MCOLN2: variants seen among roughly 807,000 people sequenced by gnomAD.
MCOLN2 encodes mucolipin-2.
Under a neutral mutation model 67.5 loss-of-function variants are expected in MCOLN2, and 57 were observed. The observed-to-expected ratio is 0.84, with a 90% confidence interval of 0.68 to 1.05. The LOEUF (loss-of-function observed/expected upper bound fraction) is 1.05. Among genes scored for constraint, MCOLN2 ranks in the 50% least tolerant of loss-of-function variants. MCOLN2 has a pLI of 0.00. For synonymous variants in MCOLN2, 246 were observed against 233.3 expected, an observed-to-expected ratio of 1.05 and a Z score of -0.50; for missense variants, 620 against 678.8, an observed-to-expected ratio of 0.91 and a Z score of 0.96.
chr1:84,965,632 G>A lies in MCOLN2; in HGVS notation c.154C>T (p.Pro52Ser). The A allele has an allele frequency of 6.2e-7, 1 of 1,613,946 alleles. No homozygotes were observed. Among genetic ancestry groups the A allele is most frequent in the Non-Finnish European group, 8.5e-7 (1 of 1,179,942 alleles). Reference sequence around the variant, plus strand: ...CGTCTGGCTCGGTATTTTTCACAAGGGCTCATGAAGTAAAACTTCAGGTCT... The same window carrying A: ...CGTCTGGCTCGGTATTTTTCACAAGAGCTCATGAAGTAAAACTTCAGGTCT... Reference protein sequence around the residue: ...REDLKFYFMSPCEKYRARRQI... With the variant: ...REDLKFYFMSSCEKYRARRQI... The change falls in exon 2 of 14, where the codon CCT (proline) becomes TCT (serine). Residue 52 changes from proline (P) to serine (S), a missense_variant. Coordinates refer to ENST00000370608, the MANE Select transcript of MCOLN2 (RefSeq NM_153259.4).
At chr1:84,953,100 A>G (rs1050012304) in intron 4 of MCOLN2, among the ~76,000 whole-genome samples, 1 of 152,224 alleles carries the variant, frequency 6.6e-6, no homozygotes, top group Admixed American at 6.5e-5. Context: ...TGTATCAATG[A>G]TAACTCATTA....
intron 6 of MCOLN2, among the ~76,000 whole-genome samples, 183 bp downstream of exon 6, chr1:84,952,060 C>T (rs1557642921): frequency 6.6e-6 from 1 of 151,958 alleles, no homozygotes; most frequent in Admixed American, 6.6e-5. Flanking sequence ...GCACTCCAGC[C>T]TGGGTGACAG....
chr1:84,944,095 GT>G lies in MCOLN2; in HGVS notation c.847+2937del, dbSNP rs1341331255. 2.6e-5 allele frequency among the ~76,000 whole-genome samples: 4 copies of G among 152,146 alleles called. No individual in the cohort carries two copies. The East Asian group carries it at 7.7e-4, about 29-fold the overall frequency. On this transcript the variant is annotated intron_variant, in intron 7 of 13. Coordinates refer to ENST00000370608, the MANE Select transcript of MCOLN2 (RefSeq NM_153259.4). ...AACTAGAACACAAATCTCTAAGACA[GT>G]TTGCATTGGACCTTGTTTACAGATG...
Position 84,929,583 on chromosome 1 carries a change from G to A in MCOLN2, c.1639C>T (p.Leu547=), listed in dbSNP as rs747726480. ...EEYQKESSAF[L]SCICCRRRKR... The stretch of plus-strand genomic sequence containing the variant: ...CTCCTCCGACAGCAGATGCAGGACA[G>A]GAAGGCTGAGGACTCTTTCTGATAC... The change falls in exon 13 of 14, where the codon CTG becomes TTG. Residue 547 remains leucine, a synonymous_variant. Transcript: ENST00000370608. 13 of 1,613,704 alleles carry A rather than the reference G, an allele frequency of 8.1e-6. No individual in the cohort carries two copies. The East Asian group carries it at 2.5e-4, about 30-fold the overall frequency.
intron 11 of MCOLN2, chr1:84,937,317 G>A (rs1164061862): frequency 1.3e-5 from 2 of 153,210 alleles, no homozygotes; most frequent in East Asian, 1.9e-4. Context: ...CATTTCTATC[G>A]TAAACCTACT....
intron 1 of MCOLN2, among the ~76,000 whole-genome samples, chr1:84,991,286 G>A (rs1009534943): frequency 6.6e-6 from 1 of 152,136 alleles, no homozygotes; most frequent in Non-Finnish European, 1.5e-5. Context: ...AGTAATGACT[G>A]TGTTGGCCCC....
At position 84,929,661 on chromosome 1, in the gene MCOLN2, A is replaced by G. The variant is rs1263268572; in HGVS notation, c.1561T>C (p.Phe521Leu). 2 of 1,613,308 alleles carry G rather than the reference A, an allele frequency of 1.2e-6. No individual in the cohort carries two copies. The highest frequency in any genetic ancestry group is 2.7e-5 in the African/African-American group (2 of 74,902). ...DTIKKFQQNG[F>L]PETDLQEFLK... ...AATTCCTGCAAATCCGTTTCAGGAA[A>G]CCCATTCTGTTGGAATTTCTTTAGA... Residue 521 changes from phenylalanine (F) to leucine (L), a missense_variant, in exon 13 of 14, where the codon TTT (phenylalanine) becomes CTT (leucine). By Grantham distance (22) the Phe-to-Leu change is conservative. Transcript: ENST00000370608.
In MCOLN2 at chr1:84,952,277, C is replaced by T. The variant is rs774176390; in HGVS notation, c.713G>A (p.Arg238His). The T allele has an allele frequency of 2.4e-5, 38 of 1,613,224 alleles. No homozygotes were observed. Among genetic ancestry groups the T allele is most frequent in the Middle Eastern group, 3.3e-4 (2 of 6,070 alleles). ...AAAGACATAACAGTCTGGTAACTCA[C>T]GGGAATGAATTGTCTGTAGGTCAAT... Reference protein sequence around the residue: ...KGIDLQTIHSRELPDCYVFQN... With the variant: ...KGIDLQTIHSHELPDCYVFQN... The change falls in exon 6 of 14, where the codon CGT becomes CAT. Residue 238 changes from arginine (R) to histidine (H), a missense_variant. By Grantham distance (29) the Arg-to-His change is conservative (BLOSUM62 0). Coordinates refer to ENST00000370608, the MANE Select transcript of MCOLN2 (RefSeq NM_153259.4).
intron 11 of MCOLN2, 31 bp from the exon 12 acceptor site, chr1:84,931,599 A>C: frequency 6.4e-7 from 1 of 1,568,970 alleles, no homozygotes. Context: ...TAGTTTCTGA[A>C]ATAGAGTATT....
At chr1:84,981,004 G>A (rs11161497) in intron 1 of MCOLN2, among the ~76,000 whole-genome samples, 58,462 of 152,050 alleles carry the variant, frequency 0.38, 13,981 homozygotes, top group Non-Finnish European at 0.5. Context: ...GAATAGACTC[G>A]TTATGTCTCA....
In MCOLN2 at chr1:84,937,847, G is replaced by C; in HGVS notation, c.1243C>G (p.Pro415Ala). 1 of 1,614,132 alleles carries C rather than the reference G, an allele frequency of 6.2e-7. No homozygotes were observed. Among genetic ancestry groups the C allele is most frequent in the Non-Finnish European group, 8.5e-7 (1 of 1,180,022 alleles). ...CAAGCACAAAACCGAAGAACTTTTG[G>C]CAGTGAGGCCTGCATTGTTAAAATC... ...VLILTMQASL[P>A]KVLRFCACAG... Residue 415 changes from proline (P) to alanine (A), a missense_variant, in exon 11 of 14, where the codon CCA (proline) becomes GCA (alanine). By Grantham distance (27) the Pro-to-Ala change is conservative. Coordinates refer to ENST00000370608, the MANE Select transcript of MCOLN2 (RefSeq NM_153259.4).
chr1:84,930,303 C>G (rs1661348133), intron 12 of MCOLN2, among the ~76,000 whole-genome samples: 1 of 151,744 alleles, frequency 6.6e-6, no homozygotes. Context: ...TTAATGCTAA[C>G]AGCAAGACTA....
At chr1:84,928,029 G>A (rs924978165) in intron 13 of MCOLN2, among the ~76,000 whole-genome samples, 2 of 152,106 alleles carry the variant, frequency 1.3e-5, no homozygotes, top group African/African-American at 4.8e-5. Context: ...TCACAGCCTA[G>A]GCCCTTCATT....
At chr1:84,971,513 C>CAA (rs1179087232) in intron 1 of MCOLN2, among the ~76,000 whole-genome samples, 1 of 145,902 alleles carries the variant, frequency 6.9e-6, no homozygotes, top group Non-Finnish European at 1.5e-5. Context: ...CACACACACA[C>CAA]ACACACACAC....
chr1:84,981,940 C>G (rs1477354385), intron 1 of MCOLN2, among the ~76,000 whole-genome samples: 1 of 140,370 alleles, frequency 7.1e-6, no homozygotes, highest in African/African-American at 2.5e-5. Context: ...ATTACATCTA[C>G]AATGTACCCA....
At position 84,935,381 on chromosome 1, in the gene MCOLN2, C is replaced by T. The variant is rs543399233; in HGVS notation, c.1335+2374G>A. 3.9e-5 allele frequency among the ~76,000 whole-genome samples: 6 copies of T among 152,294 alleles called. No homozygotes were observed. In the South Asian group the frequency reaches 6.2e-4, roughly 16 times the overall value. Reference sequence around the variant, plus strand: ...ACCCTACAGACATCCCTTATCCCTCCCCTCCTCCAGGGGTATAAAGGAAAG... The same window carrying T: ...ACCCTACAGACATCCCTTATCCCTCTCCTCCTCCAGGGGTATAAAGGAAAG... On this transcript the variant is annotated intron_variant, in intron 11 of 13. Transcript: ENST00000370608.
intron 12 of MCOLN2, 149 bp from the exon 13 acceptor site, chr1:84,929,828 T>A: frequency 1.5e-6 from 1 of 645,916 alleles, no homozygotes; most frequent in South Asian, 2.5e-5. Flanking sequence ...GATGAATCAA[T>A]CTGTCAGTCC....
At chr1:84,979,231 T>C (rs764130428) in intron 1 of MCOLN2, among the ~76,000 whole-genome samples, 4 of 152,158 alleles carry the variant, frequency 2.6e-5, no homozygotes, top group Non-Finnish European at 5.9e-5. Context: ...AGCTTCACTG[T>C]TGAATTCTAC....
chr1:84,977,176 A>G (rs986332327), intron 1 of MCOLN2, among the ~76,000 whole-genome samples: 5 of 152,094 alleles, frequency 3.3e-5, no homozygotes, highest in Non-Finnish European at 5.9e-5. Flanking sequence ...GGTTGTTATC[A>G]GCTCAAAATA....
Sources: allele counts gnomAD v4.1 joint callset (sites outside exome capture counted in the v4.1 genomes callset), GRCh38; gene constraint gnomAD v4.1.1; transcripts MANE v1.5; gene names NCBI Gene and HGNC (gene_info 2026-07-23, HGNC 2026-07-21).